PLCL1: variants seen among roughly 807,000 people sequenced by gnomAD.
PLCL1 encodes inactive phospholipase C-like protein 1.
A neutral mutation model predicts 84.4 loss-of-function variants in PLCL1; 41 were observed. That is an observed-to-expected ratio of 0.49 (90% CI 0.38 to 0.63). The LOEUF (loss-of-function observed/expected upper bound fraction) is 0.63. Ranked by LOEUF, PLCL1 falls within the 30% of genes least tolerant of loss-of-function variation. PLCL1 has a pLI of 0.00. For missense variants in PLCL1, 1,206 were observed against 1,367.8 expected (o/e 0.88, Z 1.87); for synonymous variants, 490 against 488.3 (o/e 1.00, Z -0.05).
chr2:197,949,154 A>G (rs1326264159), intron 1 of PLCL1, among the ~76,000 whole-genome samples: 1 of 152,152 alleles, frequency 6.6e-6, no homozygotes, highest in African/African-American at 2.4e-5. Context: ...CTGAGATTTC[A>G]CAGATGATGA....
rs141278146 is a variant in PLCL1, at chr2:197,920,969, T to C, written c.240+115630T>C. Reference sequence around the variant, plus strand: ...GTCATGTGTCGCTAACGACAGGGCATTGTTAGGCGATTTTGTCATCATACA... The same window carrying C: ...GTCATGTGTCGCTAACGACAGGGCACTGTTAGGCGATTTTGTCATCATACA... On this transcript the variant is annotated intron_variant, in intron 1 of 5. Transcript: ENST00000428675. Among the ~76,000 whole-genome samples, 529 of 152,328 alleles carry C rather than the reference T, an allele frequency of 3.5e-3. 4 individuals carry two copies. The highest frequency in any genetic ancestry group is 0.012 in the African/African-American group (491 of 41,582).
At chr2:198,102,962 C>T (rs1261221379) in intron 4 of PLCL1, among the ~76,000 whole-genome samples, 4 of 151,972 alleles carry the variant, frequency 2.6e-5, no homozygotes, top group African/African-American at 4.8e-5. Flanking sequence ...TCTTCAAGCT[C>T]GAGCAGATGG....
intron 1 of PLCL1, among the ~76,000 whole-genome samples, chr2:197,827,269 T>C (rs912479059): frequency 2.6e-5 from 4 of 152,146 alleles, no homozygotes; most frequent in African/African-American, 9.7e-5. Context: ...CCCAGTGCAA[T>C]GTGGAGCCCG....
At chr2:197,923,189 G>A (rs1374360189) in intron 1 of PLCL1, among the ~76,000 whole-genome samples, 11 of 144,466 alleles carry the variant, frequency 7.6e-5, no homozygotes, top group East Asian at 4.2e-4. Context: ...CGGACGGGGC[G>A]GCTGGCCGGG....
chr2:198,131,583 C>G (rs1203803652), intron 5 of PLCL1, among the ~76,000 whole-genome samples: 2 of 152,154 alleles, frequency 1.3e-5, no homozygotes, highest in East Asian at 3.9e-4. Flanking sequence ...GAGTTAGGGA[C>G]ATTTCCAAAG....
chr2:197,815,145 C>T (rs1416588365), intron 1 of PLCL1, among the ~76,000 whole-genome samples: 1 of 152,158 alleles, frequency 6.6e-6, no homozygotes, highest in Non-Finnish European at 1.5e-5. Flanking sequence ...GAAATCAATG[C>T]CTGGCTTCAA....
chr2:197,933,514 T>C (rs899844525), intron 1 of PLCL1, among the ~76,000 whole-genome samples: 1 of 152,146 alleles, frequency 6.6e-6, no homozygotes, highest in Non-Finnish European at 1.5e-5. Flanking sequence ...TCAGAGCTGG[T>C]AGAAAGGAAA....
At chr2:197,918,831 T>G (rs1419467994) in intron 1 of PLCL1, among the ~76,000 whole-genome samples, 1 of 152,046 alleles carries the variant, frequency 6.6e-6, no homozygotes, top group African/African-American at 2.4e-5. Flanking sequence ...TCCCAGCTAC[T>G]AGGGGAGCCT....
intron 1 of PLCL1, among the ~76,000 whole-genome samples, chr2:197,819,664 A>G (rs562588340): frequency 1.4e-3 from 213 of 152,216 alleles, no homozygotes; most frequent in African/African-American, 4.5e-3. Flanking sequence ...CATTAAAATG[A>G]GATTATTTGT....
chr2:197,884,404 C>T (rs1317760592), intron 1 of PLCL1, among the ~76,000 whole-genome samples: 1 of 152,172 alleles, frequency 6.6e-6, no homozygotes, highest in Non-Finnish European at 1.5e-5. Flanking sequence ...TACAATACTT[C>T]CATTTTGTTT....
At chr2:197,921,680 C>A (rs1262751250) in intron 1 of PLCL1, among the ~76,000 whole-genome samples, 2 of 152,216 alleles carry the variant, frequency 1.3e-5, no homozygotes, top group Non-Finnish European at 2.9e-5. Flanking sequence ...TGTTCCACCT[C>A]TGTACCTTTG....
At chr2:198,126,970 A>G (rs962237720) in intron 5 of PLCL1, among the ~76,000 whole-genome samples, 14 of 149,424 alleles carry the variant, frequency 9.4e-5, no homozygotes, top group Non-Finnish European at 1.9e-4. Flanking sequence ...GGTTTTAGCT[A>G]GTACAGTGAA....
At chr2:198,122,663 G>A (rs1322464809) in intron 5 of PLCL1, among the ~76,000 whole-genome samples, 1 of 152,068 alleles carries the variant, frequency 6.6e-6, no homozygotes, top group East Asian at 1.9e-4. Flanking sequence ...ATACCAGAAA[G>A]AAGTGGGACA....
chr2:198,092,138 T>C (rs1693060163), intron 3 of PLCL1, among the ~76,000 whole-genome samples: 3 of 151,782 alleles, frequency 2.0e-5, no homozygotes, highest in Non-Finnish European at 4.4e-5. Context: ...CCAGCCTCAC[T>C]TGCCTCTCTC....
chr2:197,949,162 T>A (rs1253037463), intron 1 of PLCL1, among the ~76,000 whole-genome samples: 1 of 152,202 alleles, frequency 6.6e-6, no homozygotes, highest in Non-Finnish European at 1.5e-5. Context: ...TCACAGATGA[T>A]GAACATCTGT....
intron 1 of PLCL1, among the ~76,000 whole-genome samples, chr2:197,851,314 A>G (rs1687231827): frequency 6.6e-6 from 1 of 152,228 alleles, no homozygotes; most frequent in South Asian, 2.1e-4. Flanking sequence ...AGTTCTACAT[A>G]CATAGAAAAA....
chr2:197,908,483 CACA>C (rs1443392185), intron 1 of PLCL1, among the ~76,000 whole-genome samples: 2 of 152,204 alleles, frequency 1.3e-5, no homozygotes, highest in East Asian at 1.9e-4. Context: ...TGGAGTTATT[CACA>C]ACAAGTCTAC....
chr2:198,104,740 G>T (rs183374677), intron 5 of PLCL1, among the ~76,000 whole-genome samples: 24 of 152,156 alleles, frequency 1.6e-4, no homozygotes, highest in Non-Finnish European at 2.9e-4. Flanking sequence ...CTGTGAGATG[G>T]TATCTCACTG....
At chr2:198,055,426 A>G (rs775588242) in intron 1 of PLCL1, among the ~76,000 whole-genome samples, 2 of 150,776 alleles carry the variant, frequency 1.3e-5, no homozygotes, top group Non-Finnish European at 3.0e-5. Flanking sequence ...ATTACATTAC[A>G]TCTAATTTCC....
Sources: gnomAD v4.1 joint callset for allele counts (sites outside exome capture counted in the v4.1 genomes callset) on GRCh38, gnomAD v4.1.1 for gene constraint, MANE v1.5 for transcripts, NCBI Gene and HGNC (gene_info 2026-07-23, HGNC 2026-07-21) for gene names.